DCDC1: variants seen among roughly 807,000 people sequenced by gnomAD.
DCDC1 encodes doublecortin domain containing 1, also known as doublecortin domain-containing protein 1.
DCDC1 carries 200 observed loss-of-function variants against 178.3 expected under a neutral mutation model. The observed-to-expected ratio is 1.12, with a 90% CI of 1.00 to 1.26. The LOEUF is 1.26. DCDC1 is among the 50% of genes most tolerant of loss of function. The pLI, the probability that DCDC1 is intolerant of heterozygous loss-of-function variation, is 0.00. For missense variants in DCDC1, 1,983 were observed against 1,749.2 expected, an observed-to-expected ratio of 1.13 and a Z score of -2.38; for synonymous variants, 690 against 604.8, an observed-to-expected ratio of 1.14 and a Z score of -2.07.
intron 1 of DCDC1, among the ~76,000 whole-genome samples, chr11:31,337,297 T>C (rs1950321769): frequency 6.6e-6 from 1 of 152,214 alleles, no homozygotes; most frequent in Non-Finnish European, 1.5e-5. Flanking sequence ...ACTGAAACTA[T>C]AAAAAGTAGC....
At chr11:31,039,740 T>G (rs1428316469) in intron 20 of DCDC1, among the ~76,000 whole-genome samples, 1 of 152,146 alleles carries the variant, frequency 6.6e-6, no homozygotes, top group African/African-American at 2.4e-5. Context: ...CATAAAATTT[T>G]TACAGAAGCT....
At chr11:31,311,308 T>C (rs1948760804) in intron 3 of DCDC1, among the ~76,000 whole-genome samples, 1 of 151,976 alleles carries the variant, frequency 6.6e-6, no homozygotes, top group Admixed American at 6.6e-5. Context: ...ACAATGGAGG[T>C]ACACAGGAGG....
intron 7 of DCDC1, among the ~76,000 whole-genome samples, chr11:31,287,478 T>C (rs1232881000): frequency 6.6e-6 from 1 of 151,920 alleles, no homozygotes; most frequent in East Asian, 1.9e-4. Context: ...AGGATGACAC[T>C]TTTCAAACTG....
At position 31,305,794 on chromosome 11, in the gene DCDC1, G is replaced by A. The variant is rs1222650510; in HGVS notation, c.592-17C>T. The A allele has an allele frequency of 6.2e-7, 1 of 1,609,522 alleles. No individual in the cohort carries two copies. Among genetic ancestry groups the A allele is most frequent in the Non-Finnish European group, 8.5e-7 (1 of 1,177,596 alleles). On this transcript the variant is annotated splice_polypyrimidine_tract_variant and intron_variant, in intron 5 of 38. Coordinates refer to ENST00000684477, the MANE Select transcript of DCDC1 (RefSeq NM_001387274.1). Reference sequence around the variant, plus strand: ...CTCCAGCAGCTAGAAGAAAGCAAGAGGTAAGTCAAAGTGATTTACTACAAA... The same window carrying A: ...CTCCAGCAGCTAGAAGAAAGCAAGAAGTAAGTCAAAGTGATTTACTACAAA...
chr11:30,977,821 C>T lies in DCDC1; in HGVS notation c.2592-25253G>A, dbSNP rs188540872. Among the ~76,000 whole-genome samples, 234 of 152,162 alleles carry T rather than the reference C, an allele frequency of 1.5e-3. 1 individual carries two copies. Among genetic ancestry groups the T allele is most frequent in the African/African-American group, 5.1e-3 (211 of 41,514 alleles). ...TGGCTTGCCTGTATTCCCAGCTACT[C>T]GTGGGTGCTGAGGTGGGAGGATGAC... On this transcript the variant is annotated intron_variant, in intron 20 of 38. Coordinates refer to ENST00000684477, the MANE Select transcript of DCDC1 (RefSeq NM_001387274.1).
intron 20 of DCDC1, among the ~76,000 whole-genome samples, chr11:31,009,571 T>G (rs1246617799): frequency 3.3e-5 from 5 of 151,798 alleles, no homozygotes; most frequent in Non-Finnish European, 4.4e-5. Context: ...TTTGAGACCC[T>G]GAGAATCAGG....
rs187343802 is a variant in DCDC1 at position 31,327,367 on chromosome 11, A to G, written c.164+750T>C. On this transcript the variant is annotated intron_variant, in intron 3 of 38. Coordinates refer to ENST00000684477, the MANE Select transcript of DCDC1 (RefSeq NM_001387274.1). ...GTATTTTCAGTAGAGATGGGGTTTC[A>G]CCATGTTGGTCAGGCTGGTCTCAAA... Among the ~76,000 whole-genome samples the G allele has an allele frequency of 2.9e-3, 448 of 152,074 alleles. 2 individuals carry two copies. Among genetic ancestry groups the G allele is most frequent in the African/African-American group, 1.0e-2 (413 of 41,482 alleles).
intron 20 of DCDC1, among the ~76,000 whole-genome samples, chr11:31,061,352 C>G (rs1955907880): frequency 6.6e-6 from 1 of 152,130 alleles, no homozygotes; most frequent in Non-Finnish European, 1.5e-5. Context: ...ATTTACTTTA[C>G]TTTGGACCAA....
intron 9 of DCDC1, among the ~76,000 whole-genome samples, chr11:31,141,375 T>C (rs979384928): frequency 1.3e-5 from 2 of 152,210 alleles, no homozygotes; most frequent in Non-Finnish European, 2.9e-5. Context: ...AAAAGCCTTT[T>C]AGTCCAACCA....
At chr11:31,043,029 C>T (rs973994534) in intron 20 of DCDC1, among the ~76,000 whole-genome samples, 2 of 152,188 alleles carry the variant, frequency 1.3e-5, no homozygotes, top group Admixed American at 6.5e-5. Context: ...GAGATGGTAT[C>T]GCCTACTATA....
intron 9 of DCDC1, among the ~76,000 whole-genome samples, chr11:31,195,947 T>C (rs1382232516): frequency 6.6e-6 from 1 of 152,000 alleles, no homozygotes; most frequent in East Asian, 1.9e-4. Context: ...AAGTTTCACA[T>C]AAGGATACTG....
At chr11:31,303,337 CATT>C (rs1304801011) in intron 6 of DCDC1, among the ~76,000 whole-genome samples, 2 of 152,136 alleles carry the variant, frequency 1.3e-5, no homozygotes, top group Non-Finnish European at 2.9e-5. Flanking sequence ...AAAGATACAT[CATT>C]AACACTTAAT....
At chr11:31,290,420 T>C (rs1476639109) in intron 7 of DCDC1, among the ~76,000 whole-genome samples, 3 of 152,058 alleles carry the variant, frequency 2.0e-5, no homozygotes, top group Non-Finnish European at 2.9e-5. Context: ...CTAACTATGT[T>C]AGCCAAATAA....
chr11:31,266,653 C>T (rs1439286140), intron 7 of DCDC1, among the ~76,000 whole-genome samples: 5 of 152,158 alleles, frequency 3.3e-5, no homozygotes, highest in Non-Finnish European at 7.4e-5. Context: ...GTAAACAGAA[C>T]ATCTTTCAAC....
intron 20 of DCDC1, among the ~76,000 whole-genome samples, chr11:31,063,283 G>A (rs1590921693): frequency 6.6e-6 from 1 of 152,106 alleles, no homozygotes; most frequent in Admixed American, 6.6e-5. Context: ...CATTGTGGAA[G>A]TCAGTGTGGC....
intron 11 of DCDC1, among the ~76,000 whole-genome samples, chr11:31,123,404 G>A (rs1021828402): frequency 1.3e-5 from 2 of 152,048 alleles, no homozygotes; most frequent in African/African-American, 2.4e-5. Context: ...AAATTCATAT[G>A]ATTTTTAAAT....
chr11:30,888,060 A>AAGAAAGAAAGAGAGAG (rs756638479), intron 36 of DCDC1, among the ~76,000 whole-genome samples: 9 of 73,474 alleles, frequency 1.2e-4, no homozygotes, highest in African/African-American at 6.1e-4. Flanking sequence ...GAAAGAAAGA[A>AAGAAAGAAAGAGAGAG]AGAGAGAGAG....
intron 9 of DCDC1, among the ~76,000 whole-genome samples, chr11:31,217,976 A>C (rs867421955): frequency 6.6e-6 from 1 of 152,162 alleles, no homozygotes; most frequent in Non-Finnish European, 1.5e-5. Context: ...TTGAAAATCT[A>C]TGCTATATAT....
intron 7 of DCDC1, among the ~76,000 whole-genome samples, chr11:31,273,158 C>T (rs1239304950): frequency 6.6e-6 from 1 of 152,206 alleles, no homozygotes; most frequent in Admixed American, 6.5e-5. Context: ...AGACACTTTC[C>T]CCATTGTCTT....
Sources: gnomAD v4.1 joint callset for allele counts (sites outside exome capture counted in the v4.1 genomes callset) on GRCh38, gnomAD v4.1.1 for gene constraint, MANE v1.5 for transcripts, NCBI Gene and HGNC (gene_info 2026-07-23, HGNC 2026-07-21) for gene names.